Variants in RALGPS2 observed in about 807,000 individuals in gnomAD.
The protein encoded by RALGPS2 is Ral GEF with PH domain and SH3 binding motif 2, also known as ras-specific guanine nucleotide-releasing factor RalGPS2.
In RALGPS2, 43 loss-of-function variants were observed where a neutral mutation model predicts 86.8. The observed-to-expected ratio is 0.50, with a 90% confidence interval of 0.39 to 0.64. RALGPS2 has a LOEUF of 0.64. Among genes scored for constraint, RALGPS2 ranks in the 30% least tolerant of loss-of-function variants. The pLI is 0.00. For synonymous variants in RALGPS2, 243 were observed against 231.3 expected, an observed-to-expected ratio of 1.05 and a Z score of -0.46; for missense variants, 536 against 694.6, an observed-to-expected ratio of 0.77 and a Z score of 2.57.
chr1:178,742,373 C>A (rs1431324557), intron 1 of RALGPS2, among the ~76,000 whole-genome samples: 1 of 152,092 alleles, frequency 6.6e-6, no homozygotes, highest in East Asian at 1.9e-4. Context: ...GATGTCATTA[C>A]AAAATGATAA....
chr1:178,753,642 A>C (rs954074440), intron 1 of RALGPS2: 1 of 152,148 alleles, frequency 6.6e-6, no homozygotes, highest in African/African-American at 2.4e-5. Flanking sequence ...TCACCGTAAT[A>C]CTCAAACAAA....
intron 1 of RALGPS2, among the ~76,000 whole-genome samples, chr1:178,761,850 A>C (rs1238953036): frequency 6.6e-6 from 1 of 152,172 alleles, no homozygotes; most frequent in East Asian, 1.9e-4. Context: ...TTAGTTCCAG[A>C]AGCTCTGATT....
intron 17 of RALGPS2, 103 bp downstream of exon 17, chr1:178,897,859 G>T: frequency 1.2e-5 from 10 of 844,000 alleles, no homozygotes; most frequent in East Asian, 8.2e-5. Context: ...GGTTTGCCTT[G>T]TTTTTTCCTA....
chr1:178,810,281 G>C lies in RALGPS2; in HGVS notation c.298-1034G>C, dbSNP rs1053958921. ...TTACACCTGTGGTCTCAGCTACTTA[G>C]GAGGCTGAGTCAGGAGAATCACTTG... On this transcript the variant is annotated intron_variant, in intron 5 of 19. Transcript: ENST00000367635. Among the ~76,000 whole-genome samples the C allele has an allele frequency of 2.0e-5, 3 of 152,054 alleles. No homozygotes were observed. In the South Asian group the frequency reaches 6.2e-4, roughly 32 times the overall value.
At chr1:178,851,411 TC>T (rs1657168545) in intron 8 of RALGPS2, 2 of 1,122,160 alleles carry the variant, frequency 1.8e-6, no homozygotes, top group Non-Finnish European at 1.2e-6. Context: ...AATTTGAACT[TC>T]CCTTACTAAT....
chr1:178,729,870 A>G (rs1335659985), intron 1 of RALGPS2, among the ~76,000 whole-genome samples: 6 of 152,228 alleles, frequency 3.9e-5, no homozygotes, highest in Admixed American at 6.5e-5. Context: ...CAGAGCAACC[A>G]TAGGTGTTTC....
chr1:178,851,383 A>G, intron 8 of RALGPS2: 2 of 1,386,092 alleles, frequency 1.4e-6, no homozygotes, highest in Non-Finnish European at 1.9e-6. Flanking sequence ...GCAATCATAA[A>G]AAACTTATTC....
At chr1:178,880,157 CTAGAT>C (rs1347134608) in intron 10 of RALGPS2, among the ~76,000 whole-genome samples, 12 of 152,198 alleles carry the variant, frequency 7.9e-5, no homozygotes, top group African/African-American at 2.9e-4. Context: ...AAGTGAAAGA[CTAGAT>C]TATTTTTCAG....
intron 8 of RALGPS2, among the ~76,000 whole-genome samples, chr1:178,872,640 C>T (rs917560226): frequency 1.3e-5 from 2 of 152,136 alleles, no homozygotes; most frequent in African/African-American, 4.8e-5. Context: ...TATTATGTAT[C>T]GTTTCTTGAG....
chr1:178,732,460 G>A (rs556175691), intron 1 of RALGPS2, among the ~76,000 whole-genome samples: 148 of 151,996 alleles, frequency 9.7e-4, no homozygotes, highest in South Asian at 6.4e-3. Flanking sequence ...CACCACATCC[G>A]GCTAATTTTT....
chr1:178,879,031 C>T, intron 10 of RALGPS2, 39 bp downstream of exon 10: 1 of 1,602,678 alleles, frequency 6.2e-7, no homozygotes, highest in South Asian at 1.1e-5. Context: ...ATAACTTTGT[C>T]CTGTCCTCCA....
intron 7 of RALGPS2, among the ~76,000 whole-genome samples, chr1:178,827,392 A>ATTTTT (rs748058137): frequency 2.3e-5 from 3 of 132,014 alleles, no homozygotes; most frequent in Non-Finnish European, 3.2e-5. Flanking sequence ...ATACTCTCTG[A>ATTTTT]TTTTTTTTTT....
intron 8 of RALGPS2, among the ~76,000 whole-genome samples, chr1:178,840,929 A>G (rs1341637031): frequency 4.6e-5 from 7 of 152,142 alleles, no homozygotes; most frequent in Admixed American, 6.5e-5. Context: ...GGACACATAC[A>G]CCCTCCCAAG....
Position 178,886,030 on chromosome 1 carries a change from A to G in RALGPS2, c.1102A>G (p.Arg368Gly). 1 of 1,613,434 alleles carries G rather than the reference A, an allele frequency of 6.2e-7. No homozygotes were observed. The highest frequency in any genetic ancestry group is 8.5e-7 in the Non-Finnish European group (1 of 1,179,582). ...TGCAACGTTTCCAAATGCAGGACCAAGACATCTGTTAGATGATAGCGTCAT... is the reference window on the plus strand; with the variant it reads ...TGCAACGTTTCCAAATGCAGGACCAGGACATCTGTTAGATGATAGCGTCAT... The part of the protein sequence containing the change: ...KSATFPNAGP[R>G]HLLDDSVMEP... Residue 368 changes from arginine to glycine, a missense_variant, in exon 13 of 20, where the codon AGA becomes GGA. This residue lies in a region of RALGPS2 where 309 missense variants were observed against 363.0 expected (regional missense o/e 0.85). Coordinates refer to ENST00000367635, the MANE Select transcript of RALGPS2 (RefSeq NM_152663.5).
intron 5 of RALGPS2, among the ~76,000 whole-genome samples, chr1:178,808,651 T>C (rs1437096913): frequency 2.0e-5 from 3 of 152,142 alleles, no homozygotes; most frequent in Non-Finnish European, 1.5e-5. Context: ...TAAGCTTTAT[T>C]CATGAGAATT....
intron 1 of RALGPS2, among the ~76,000 whole-genome samples, chr1:178,745,106 A>T (rs1169736619): frequency 2.0e-5 from 3 of 152,252 alleles, no homozygotes; most frequent in Non-Finnish European, 2.9e-5. Flanking sequence ...ATAGAAAGTA[A>T]GTAAAGAAGA....
chr1:178,865,601 C>A, intron 8 of RALGPS2: 1 of 1,613,974 alleles, frequency 6.2e-7, no homozygotes, highest in Non-Finnish European at 8.5e-7. Flanking sequence ...CCCTGTTATT[C>A]TTTGTTCAGG....
At chr1:178,870,798 T>A (rs937392812) in intron 8 of RALGPS2, 2 of 152,332 alleles carry the variant, frequency 1.3e-5, no homozygotes, top group South Asian at 4.1e-4. Context: ...TTCTTGATTT[T>A]AAAAATCAGT....
intron 7 of RALGPS2, among the ~76,000 whole-genome samples, chr1:178,827,492 T>C (rs1655803690): frequency 6.7e-6 from 1 of 150,166 alleles, no homozygotes; most frequent in Admixed American, 6.6e-5. Flanking sequence ...CCTCCCGGGT[T>C]CACGCCATTC....
Sources: allele counts gnomAD v4.1 joint callset (sites outside exome capture counted in the v4.1 genomes callset), GRCh38; gene constraint gnomAD v4.1.1; regional missense constraint gnomAD v4.1.1; transcripts MANE v1.5; gene names NCBI Gene and HGNC (gene_info 2026-07-23, HGNC 2026-07-21).